MST1R: variants seen among roughly 807,000 people sequenced by gnomAD.
The protein encoded by MST1R is macrophage-stimulating protein receptor.
In MST1R, 99 loss-of-function variants were observed where a neutral mutation model predicts 117.8. The ratio of observed to expected loss-of-function variants is 0.84; its 90% CI spans 0.71 to 0.99. MST1R has a LOEUF of 0.99. MST1R is among the 50% of genes least tolerant of loss of function. MST1R has a pLI of 0.00. For synonymous variants in MST1R, 734 were observed against 765.3 expected (o/e 0.96, Z 0.68); for missense variants, 1,683 against 1,840.2 (o/e 0.91, Z 1.56).
Position 49,902,682 on chromosome 3 carries a change from C to A in MST1R, c.928G>T (p.Gly310Trp), listed in dbSNP as rs2082723229. ...TAGGGCTGTCCGCCTTCTGGGGCCCCCCGGCGCCTGCGTTTTGGAGCAAAT... is the reference window on the plus strand; with the variant it reads ...TAGGGCTGTCCGCCTTCTGGGGCCCACCGGCGCCTGCGTTTTGGAGCAAAT... ...CRFAPKRRRR[G>W]APEGGQPYPV... The change falls in exon 1 of 20, where the codon GGG becomes TGG. Residue 310 changes from glycine to tryptophan, a missense_variant. Coordinates refer to ENST00000296474, the MANE Select transcript of MST1R (RefSeq NM_002447.4). The A allele has an allele frequency of 6.2e-7, 1 of 1,613,294 alleles. No homozygotes were observed. Among genetic ancestry groups the A allele is most frequent in the African/African-American group, 1.3e-5 (1 of 74,944 alleles).
chr3:49,896,849 GC>G lies in MST1R; in HGVS notation c.2224del (p.Ala742ProfsTer32). On this transcript the variant is annotated frameshift_variant, in exon 8 of 20. Coordinates refer to ENST00000296474, the MANE Select transcript of MST1R (RefSeq NM_002447.4). LOFTEE classifies it high-confidence loss of function. ...GCTAAGGGGGACACTGGCCACCGTGGCCCCAGGGGGTGTGGCACATAAAAGC... is the reference window on the plus strand; with the variant it reads ...GCTAAGGGGGACACTGGCCACCGTGGCCCAGGGGGTGTGGCACATAAAAGC... ...GQLLCATPPG[A>X]TVASVPLSLQ... 1 of 1,549,460 alleles carries G rather than the reference GC, an allele frequency of 6.5e-7. No individual in the cohort carries two copies. Among genetic ancestry groups the G allele is most frequent in the Non-Finnish European group, 8.7e-7 (1 of 1,146,218 alleles).
chr3:49,897,921 A>G, intron 5 of MST1R, 130 bp downstream of exon 5: 1 of 1,354,938 alleles, frequency 7.4e-7, no homozygotes, highest in Middle Eastern at 2.2e-4. Context: ...TGACTCTCAA[A>G]AAGCAGTCAG....
chr3:49,890,469 G>A lies in MST1R; in HGVS notation c.3810+16C>T, dbSNP rs753258283. 23 of 1,604,266 alleles carry A rather than the reference G, an allele frequency of 1.4e-5. No individual in the cohort carries two copies. Among genetic ancestry groups the A allele is most frequent in the Admixed American group, 5.0e-5 (3 of 59,464 alleles). On this transcript the variant is annotated intron_variant, in intron 18 of 19. Coordinates refer to ENST00000296474, the MANE Select transcript of MST1R (RefSeq NM_002447.4). ...GTGCCAAAGCCATGTGGACTGTAGG[G>A]CAGGTGGGGCCTCACCACATCAGAC...
In MST1R at chr3:49,896,040, T is replaced by G. The variant is rs759828393; in HGVS notation, c.2717A>C (p.Gln906Pro). The change falls in exon 11 of 20, where the codon CAG becomes CCG. Residue 906 changes from glutamine to proline, a missense_variant. Coordinates refer to ENST00000296474, the MANE Select transcript of MST1R (RefSeq NM_002447.4). ...AACCATGTCCCCCCGGAACTCGTGC[T>G]GGCAGCTCTCACCACCCACGGTCAC... ...INVTVGGESC[Q>P]HEFRGDMVVC... 6.2e-7 allele frequency: 1 copy of G among 1,609,170 alleles called. No homozygotes were observed. The highest frequency in any genetic ancestry group is 8.5e-7 in the Non-Finnish European group (1 of 1,177,508).
Position 49,902,850 on chromosome 3 carries a change from G to A in MST1R, c.760C>T (p.His254Tyr), listed in dbSNP as rs976150449. The A allele has an allele frequency of 6.2e-7, 1 of 1,613,540 alleles. No homozygotes were observed. Residue 254 changes from histidine to tyrosine, a missense_variant, in exon 1 of 20, where the codon CAC (histidine) becomes TAC (tyrosine). By Grantham distance (83) the His-to-Tyr change is moderately conservative. Coordinates refer to ENST00000296474, the MANE Select transcript of MST1R (RefSeq NM_002447.4). Reference sequence around the variant, plus strand: ...AGGAAGTATACGAAGGCTCCCGTGTGGAAGCTGTGCACGTATTCAATACTG... The same window carrying A: ...AGGAAGTATACGAAGGCTCCCGTGTAGAAGCTGTGCACGTATTCAATACTG... ...SYSIEYVHSF[H>Y]TGAFVYFLTV...
chr3:49,894,827 G>A (rs1434745227), intron 14 of MST1R, among the ~76,000 whole-genome samples: 1 of 137,902 alleles, frequency 7.3e-6, no homozygotes, highest in African/African-American at 2.7e-5. Flanking sequence ...TTTTTTTTTT[G>A]AGAAGGAGTC....
chr3:49,892,195 A>G (rs375192042), intron 14 of MST1R, among the ~76,000 whole-genome samples: 2 of 151,140 alleles, frequency 1.3e-5, no homozygotes, highest in East Asian at 4.0e-4. Flanking sequence ...CAAACTCCTG[A>G]TCTTGTGATT....
Position 49,895,961 on chromosome 3 carries a change from C to T in MST1R, c.2796G>A (p.Gln932=). 2 of 1,568,028 alleles carry T rather than the reference C, an allele frequency of 1.3e-6. No homozygotes were observed. Among genetic ancestry groups the T allele is most frequent in the Non-Finnish European group, 1.7e-6 (2 of 1,155,948 alleles). The part of the protein sequence containing the change: ...LQLGQDGAPL[Q]VCVDGECHIL... ...AGGGAGGTCCAGCTGGGCTGCCTAC[C>T]TGCAATGGGGCACCATCCTGGCCAA... Residue 932 remains glutamine, a splice_region_variant and synonymous_variant, in exon 11 of 20, where the codon CAG becomes CAA. Coordinates refer to ENST00000296474, the MANE Select transcript of MST1R (RefSeq NM_002447.4).
In MST1R at chr3:49,896,028, C is replaced by G. The variant is rs201953002; in HGVS notation, c.2729G>C (p.Arg910Pro). 1.2e-6 allele frequency: 2 copies of G among 1,605,418 alleles called. No homozygotes were observed. The highest frequency in any genetic ancestry group is 3.4e-5 in the Admixed American group (2 of 59,538). The change falls in exon 11 of 20, where the codon CGG becomes CCG. Residue 910 changes from arginine to proline, a missense_variant. Coordinates refer to ENST00000296474, the MANE Select transcript of MST1R (RefSeq NM_002447.4). ...CAGGGGGCAGACAACCATGTCCCCC[C>G]GGAACTCGTGCTGGCAGCTCTCACC... ...VGGESCQHEFRGDMVVCPLPP... is the reference protein window; with the variant it reads ...VGGESCQHEFPGDMVVCPLPP...
chr3:49,888,825 G>T (rs1279728184), intron 19 of MST1R, among the ~76,000 whole-genome samples: 1 of 152,220 alleles, frequency 6.6e-6, no homozygotes, highest in East Asian at 1.9e-4. Flanking sequence ...CTTTACAGAT[G>T]AGGAAATTGA....
chr3:49,894,724 A>G (rs2108424739), intron 14 of MST1R, among the ~76,000 whole-genome samples: 1 of 152,218 alleles, frequency 6.6e-6, no homozygotes, highest in Middle Eastern at 3.4e-3. Context: ...ATGGAGGCTC[A>G]GAGAGGTTAA....
In MST1R at chr3:49,903,505, C is replaced by A; in HGVS notation, c.105G>T (p.Ala35=). ...EDWQCPRTPY[A]ASRDFDVKYV... ...ACTTCACGTCAAAGTCGCGAGAGGC[C>A]GCGTAGGGGGTGCGCGGGCACTGCC... Residue 35 remains alanine (A), a synonymous_variant, in exon 1 of 20, where the codon GCG becomes GCT. Transcript: ENST00000296474. The A allele has an allele frequency of 1.2e-6, 2 of 1,610,266 alleles. No individual in the cohort carries two copies. Among genetic ancestry groups the A allele is most frequent in the Non-Finnish European group, 1.7e-6 (2 of 1,179,938 alleles).
chr3:49,896,881 C>T lies in MST1R; in HGVS notation c.2193G>A (p.Glu731=), dbSNP rs916851357. ...GTECLLARVS[E]GQLLCATPPG... Reference sequence around the variant, plus strand: ...GGGGTGTGGCACATAAAAGCTGCCCCTCACTGACCCTACAGGAACAAGAGA... The same window carrying T: ...GGGGTGTGGCACATAAAAGCTGCCCTTCACTGACCCTACAGGAACAAGAGA... Residue 731 remains glutamate (E), a synonymous_variant, in exon 8 of 20, where the codon GAG becomes GAA. Coordinates refer to ENST00000296474, the MANE Select transcript of MST1R (RefSeq NM_002447.4). 2.0e-6 allele frequency: 3 copies of T among 1,516,776 alleles called. No homozygotes were observed. The highest frequency in any genetic ancestry group is 4.9e-5 in the East Asian group (2 of 41,122). The allele number at this position is 1,516,776 out of a possible 1,614,324, so 94.0% of individuals were successfully genotyped here.
At position 49,896,314 on chromosome 3, in the gene MST1R, C is replaced by T. The variant is rs2082470338; in HGVS notation, c.2530G>A (p.Ala844Thr). Residue 844 changes from alanine (A) to threonine (T), a missense_variant, in exon 10 of 20, where the codon GCC becomes ACC. By Grantham distance (58) the Ala-to-Thr change is moderately conservative. Transcript: ENST00000296474. ...PQGWVAGNLSARGDGAAGFTL... is the reference protein window; with the variant it reads ...PQGWVAGNLSTRGDGAAGFTL... ...AAGCCAGCAGCTCCATCCCCTCGGG[C>T]ACTCAGATTCCCTGCCACCCATCCC... is the stretch of plus-strand genomic sequence containing the variant. 1 of 1,614,160 alleles carries T rather than the reference C, an allele frequency of 6.2e-7. No individual in the cohort carries two copies. Among genetic ancestry groups the T allele is most frequent in the Non-Finnish European group, 8.5e-7 (1 of 1,180,034 alleles).
At position 49,889,909 on chromosome 3, in the gene MST1R, C is replaced by T. The variant is rs752135516; in HGVS notation, c.3947+15G>A. The T allele has an allele frequency of 3.1e-6, 5 of 1,614,088 alleles. No homozygotes were observed. In the Admixed American group the frequency reaches 6.7e-5, roughly 22 times the overall value. On this transcript the variant is annotated intron_variant, in intron 19 of 19. Transcript: ENST00000296474. ...GGGCCCAGTTCCCTCCCCACTACCACCTCCACATACTCACAGAGAATCAGG... is the reference window on the plus strand; with the variant it reads ...GGGCCCAGTTCCCTCCCCACTACCATCTCCACATACTCACAGAGAATCAGG...
chr3:49,891,616 G>A (rs1052267148), intron 15 of MST1R, 36 bp from the exon 16 acceptor site: 11 of 1,612,066 alleles, frequency 6.8e-6, no homozygotes, highest in East Asian at 2.2e-5. Context: ...AGGGCAGGGC[G>A]TCCCTTTATA....
intron 17 of MST1R, 93 bp downstream of exon 17, chr3:49,891,104 G>T: frequency 9.1e-7 from 1 of 1,102,894 alleles, no homozygotes; most frequent in East Asian, 2.4e-5. Flanking sequence ...GGGAGGACAA[G>T]GCTGGAGTGG....
chr3:49,903,352 C>T lies in MST1R; in HGVS notation c.258G>A (p.Lys86=), dbSNP rs2082757807. ...GGCCCGTGGCCAGGCTCTGGACAGACTTCAGGTCAGGCCCAAGCACATGCA... is the reference window on the plus strand; with the variant it reads ...GGCCCGTGGCCAGGCTCTGGACAGATTTCAGGTCAGGCCCAAGCACATGCA... ...NRLHVLGPDL[K]SVQSLATGPA... The change falls in exon 1 of 20, where the codon AAG becomes AAA. Residue 86 remains lysine, a synonymous_variant. Transcript: ENST00000296474. 1 of 1,613,716 alleles carries T rather than the reference C, an allele frequency of 6.2e-7. No individual in the cohort carries two copies. Among genetic ancestry groups the T allele is most frequent in the Admixed American group, 1.7e-5 (1 of 60,016 alleles).
At position 49,898,146 on chromosome 3, in the gene MST1R, G is replaced by A. The variant is rs774992013; in HGVS notation, c.1785C>T (p.Tyr595=). 9.9e-6 allele frequency: 16 copies of A among 1,613,932 alleles called. No individual in the cohort carries two copies. The highest frequency in any genetic ancestry group is 1.2e-5 in the Non-Finnish European group (14 of 1,180,026). Residue 595 remains tyrosine (Y), a synonymous_variant, in exon 5 of 20, where the codon TAC becomes TAT. Coordinates refer to ENST00000296474, the MANE Select transcript of MST1R (RefSeq NM_002447.4). ...CAGGCACCAGACCAGAAGGGTGAAGGTAGAAGTTGGAGCCACACAGGGTCA... is the reference window on the plus strand; with the variant it reads ...CAGGCACCAGACCAGAAGGGTGAAGATAGAAGTTGGAGCCACACAGGGTCA... ...TRLTLCGSNF[Y]LHPSGLVPEG... is the part of the protein sequence containing the mutation.
Sources: allele counts gnomAD v4.1 joint callset (sites outside exome capture counted in the v4.1 genomes callset), GRCh38; gene constraint gnomAD v4.1.1; transcripts MANE v1.5; gene names NCBI Gene and HGNC (gene_info 2026-07-23, HGNC 2026-07-21).